The following RALGPS2 variants were observed in gnomAD, a reference collection of about 807,000 sequenced individuals.
The protein encoded by RALGPS2 is Ral GEF with PH domain and SH3 binding motif 2, also known as ras-specific guanine nucleotide-releasing factor RalGPS2.
A neutral mutation model predicts 86.8 loss-of-function variants in RALGPS2; 43 were observed. The observed-to-expected ratio is 0.50, with a 90% CI of 0.39 to 0.64. The LOEUF (loss-of-function observed/expected upper bound fraction) is 0.64. Among genes scored for constraint, RALGPS2 ranks in the 30% least tolerant of loss-of-function variants. The pLI is 0.00. For synonymous variants in RALGPS2, 243 were observed against 231.3 expected (o/e 1.05, Z -0.46); for missense variants, 536 against 694.6 (o/e 0.77, Z 2.57).
chr1:178,844,742 GTTTTA>G (rs1656783915), intron 8 of RALGPS2, among the ~76,000 whole-genome samples: 1 of 152,164 alleles, frequency 6.6e-6, no homozygotes, highest in South Asian at 2.1e-4. Flanking sequence ...GGCATGGTAA[GTTTTA>G]TTTTGCTGAC....
chr1:178,757,884 A>T (rs574284555), intron 1 of RALGPS2, among the ~76,000 whole-genome samples: 82 of 152,082 alleles, frequency 5.4e-4, no homozygotes, highest in African/African-American at 2.0e-3. Flanking sequence ...TTTTCTTTGT[A>T]TGTCTGGTAG....
At chr1:178,764,411 A>G (rs1001265992) in intron 1 of RALGPS2, among the ~76,000 whole-genome samples, 5 of 152,218 alleles carry the variant, frequency 3.3e-5, no homozygotes, top group Admixed American at 2.0e-4. Flanking sequence ...TCTTGCTTCT[A>G]TATCCAGTTT....
intron 4 of RALGPS2, among the ~76,000 whole-genome samples, chr1:178,805,551 CTTGT>C (rs1654701723): frequency 1.3e-5 from 2 of 152,002 alleles, no homozygotes; most frequent in African/African-American, 2.4e-5. Context: ...TTCCCCATTG[CTTGT>C]TTTTCTCAGG....
At chr1:178,829,059 T>C (rs1655893197) in intron 7 of RALGPS2, among the ~76,000 whole-genome samples, 1 of 152,166 alleles carries the variant, frequency 6.6e-6, no homozygotes, top group African/African-American at 2.4e-5. Context: ...GAAAATGTGG[T>C]TTATATACAC....
intron 2 of RALGPS2, among the ~76,000 whole-genome samples, chr1:178,781,212 G>T (rs558706780): frequency 6.6e-6 from 1 of 152,168 alleles, no homozygotes; most frequent in African/African-American, 2.4e-5. Context: ...TAAAGTAAGA[G>T]TGAAAAAAGT....
intron 8 of RALGPS2, chr1:178,851,183 T>C: frequency 1.9e-6 from 3 of 1,614,012 alleles, no homozygotes; most frequent in Non-Finnish European, 2.5e-6. Flanking sequence ...ATGACCCGCC[T>C]CTGTATTCGG....
chr1:178,811,736 A>G (rs1470565304), intron 6 of RALGPS2, among the ~76,000 whole-genome samples: 2 of 152,226 alleles, frequency 1.3e-5, no homozygotes, highest in Non-Finnish European at 2.9e-5. Flanking sequence ...GAAGAAAGCC[A>G]TAAAGAATTA....
At chr1:178,915,174 C>T (rs1660764320) in intron 19 of RALGPS2, among the ~76,000 whole-genome samples, 1 of 152,174 alleles carries the variant, frequency 6.6e-6, no homozygotes, top group Admixed American at 6.5e-5. Context: ...TGCAAAATAT[C>T]TTAAACCACA....
chr1:178,753,523 C>T (rs1400652256), intron 1 of RALGPS2: 1 of 152,144 alleles, frequency 6.6e-6, no homozygotes, highest in Admixed American at 6.5e-5. Context: ...TGTTCCTCGG[C>T]TCATTTTGTC....
intron 6 of RALGPS2, among the ~76,000 whole-genome samples, chr1:178,813,899 G>A (rs893460693): frequency 2.6e-5 from 4 of 152,106 alleles, no homozygotes; most frequent in African/African-American, 4.8e-5. Flanking sequence ...ATTAGGGTTC[G>A]ATTAAATAAC....
chr1:178,868,002 T>C (rs1461943361), intron 8 of RALGPS2, among the ~76,000 whole-genome samples: 1 of 151,900 alleles, frequency 6.6e-6, no homozygotes, highest in Non-Finnish European at 1.5e-5. Flanking sequence ...TTATTATTAT[T>C]TTACTAACAA....
At chr1:178,865,810 AAAAC>A (rs1253454665) in intron 8 of RALGPS2, 3 of 1,490,446 alleles carry the variant, frequency 2.0e-6, no homozygotes, top group Non-Finnish European at 2.7e-6. Flanking sequence ...TGTCTTTTGA[AAAAC>A]AAATCAGTGA....
chr1:178,801,440 A>G (rs1654470058), intron 4 of RALGPS2, among the ~76,000 whole-genome samples: 1 of 152,110 alleles, frequency 6.6e-6, no homozygotes, highest in African/African-American at 2.4e-5. Context: ...ATACATATCA[A>G]CCCATTTGAT....
chr1:178,755,650 A>G (rs1558104370), intron 1 of RALGPS2, among the ~76,000 whole-genome samples: 1 of 152,242 alleles, frequency 6.6e-6, no homozygotes, highest in Non-Finnish European at 1.5e-5. Flanking sequence ...TGTGATGAAC[A>G]TATGAGTGCG....
chr1:178,747,009 T>A, intron 1 of RALGPS2: 1 of 919,338 alleles, frequency 1.1e-6, no homozygotes, highest in Non-Finnish European at 1.8e-6. Flanking sequence ...AATCTCCCTT[T>A]ACACATTTTG....
rs1177008418 is a variant in RALGPS2, at chr1:178,873,379, C to T, written c.608-4119C>T. On this transcript the variant is annotated intron_variant, in intron 8 of 19. Transcript: ENST00000367635. ...ATATACGTTTAACCTTATTACTAAT[C>T]AAGGAAATAAAAATTAAGACACAGA... 1.1e-4 allele frequency among the ~76,000 whole-genome samples: 17 copies of T among 151,900 alleles called. No homozygotes were observed. In the East Asian group the frequency reaches 3.3e-3, roughly 29 times the overall value.
chr1:178,871,056 T>A (rs1170814097), intron 8 of RALGPS2: 2 of 152,206 alleles, frequency 1.3e-5, no homozygotes, highest in Non-Finnish European at 2.9e-5. Flanking sequence ...CAGCTGCAGC[T>A]GACCCAGATT....
Position 178,766,518 on chromosome 1 carries a change from C to T in RALGPS2, c.-83-10164C>T, listed in dbSNP as rs761356643. Among the ~76,000 whole-genome samples, 80 of 152,134 alleles carry T rather than the reference C, an allele frequency of 5.3e-4. 1 individual carries two copies. Among genetic ancestry groups the T allele is most frequent in the Middle Eastern group, 6.8e-3 (2 of 294 alleles). On this transcript the variant is annotated intron_variant, in intron 1 of 19. Transcript: ENST00000367635. ...TGCTGGGATTACAGGTGTGAGCCAC[C>T]GCACCTAGTCAGTGTGTCTTTATAG...
At chr1:178,817,655 T>G (rs1655298822) in intron 6 of RALGPS2, among the ~76,000 whole-genome samples, 1 of 152,216 alleles carries the variant, frequency 6.6e-6, no homozygotes, top group Non-Finnish European at 1.5e-5. Context: ...TTCTACAACA[T>G]GGCCTGCTTC....
Sources: allele counts gnomAD v4.1 joint callset (sites outside exome capture counted in the v4.1 genomes callset), GRCh38; gene constraint gnomAD v4.1.1; transcripts MANE v1.5; gene names NCBI Gene and HGNC (gene_info 2026-07-23, HGNC 2026-07-21).